The following AP2S1 variants were observed in gnomAD, a reference collection of about 807,000 sequenced individuals.
AP2S1 encodes the protein adaptor related protein complex 2 subunit sigma 1, also known as AP-2 complex subunit sigma.
Under a neutral mutation model 21.0 loss-of-function variants are expected in AP2S1, and 6 were observed. That is an observed-to-expected ratio of 0.29 (90% confidence interval 0.16 to 0.56). The LOEUF (loss-of-function observed/expected upper bound fraction) is 0.56. Among genes scored for constraint, AP2S1 ranks in the 20% least tolerant of loss-of-function variants. The probability of loss-of-function intolerance (pLI) is 0.92; values close to 1 mark genes in which losing one functional copy is unlikely to be tolerated. For missense variants in AP2S1, 60 were observed against 186.2 expected, an observed-to-expected ratio of 0.32 and a Z score of 3.95; for synonymous variants, 63 against 74.6, an observed-to-expected ratio of 0.84 and a Z score of 0.80.
intron 2 of AP2S1, 187 bp downstream of exon 2, chr19:46,845,806 A>T: frequency 1.4e-6 from 1 of 697,254 alleles, no homozygotes; most frequent in Non-Finnish European, 2.3e-6. Flanking sequence ...CTGTATGTTT[A>T]TGATTTTTCA....
chr19:46,843,504 T>C (rs2122778293), intron 2 of AP2S1, among the ~76,000 whole-genome samples: 1 of 152,246 alleles, frequency 6.6e-6, no homozygotes. Context: ...GGCGGATCGC[T>C]GGAGCTCAGG....
intron 2 of AP2S1, among the ~76,000 whole-genome samples, chr19:46,840,367 CAAAAAAAAAA>C (rs60907407): frequency 1.1e-4 from 11 of 100,468 alleles, no homozygotes; most frequent in Non-Finnish European, 8.3e-5. Flanking sequence ...AGGTTCATTA[CAAAAAAAAAA>C]AAAAAAAAAA....
chr19:46,848,012 G>A (rs578093138), intron 1 of AP2S1, among the ~76,000 whole-genome samples: 4 of 152,204 alleles, frequency 2.6e-5, no homozygotes, highest in East Asian at 3.9e-4. Context: ...TTTCCAAAGC[G>A]TCTGCCACTT....
At chr19:46,850,343 C>T in intron 1 of AP2S1, 1 of 1,243,070 alleles carries the variant, frequency 8.0e-7, no homozygotes, top group Non-Finnish European at 1.0e-6. Context: ...ACCTCCCTCC[C>T]CTTTTCCAAG....
intron 3 of AP2S1, 26 bp downstream of exon 3, chr19:46,839,439 C>CCCCGAAAA: frequency 2.5e-6 from 4 of 1,569,634 alleles, no homozygotes; most frequent in Non-Finnish European, 3.5e-6. Context: ...CCCGCCTCCC[C>CCCCGAAAA]ACCTTACATC....
At chr19:46,841,127 T>C (rs144587801) in intron 2 of AP2S1, among the ~76,000 whole-genome samples, 1 of 152,102 alleles carries the variant, frequency 6.6e-6, no homozygotes, top group African/African-American at 2.4e-5. Flanking sequence ...CTAATTTTTG[T>C]ATTTTTAGTA....
chr19:46,843,964 G>A (rs56947766), intron 2 of AP2S1, among the ~76,000 whole-genome samples: 8 of 152,100 alleles, frequency 5.3e-5, no homozygotes, highest in East Asian at 1.9e-4. Context: ...AGGCTGGAGT[G>A]CAATGGCACG....
intron 2 of AP2S1, among the ~76,000 whole-genome samples, chr19:46,841,903 G>A (rs1359581300): frequency 6.6e-6 from 1 of 152,184 alleles, no homozygotes; most frequent in Non-Finnish European, 1.5e-5. Flanking sequence ...GACAGAGATT[G>A]GACGACGGCC....
intron 1 of AP2S1, among the ~76,000 whole-genome samples, chr19:46,848,688 G>A (rs1599775908): frequency 1.3e-5 from 2 of 152,110 alleles, no homozygotes; most frequent in Non-Finnish European, 2.9e-5. Context: ...TCTCTCTTAG[G>A]AAAGAGAGCC....
rs2122754014 is a variant in AP2S1, at chr19:46,838,825, A to C, written c.268-26T>G. 1.9e-6 allele frequency: 3 copies of C among 1,607,350 alleles called. No homozygotes were observed. The highest frequency in any genetic ancestry group is 2.6e-6 in the Non-Finnish European group (3 of 1,174,334). ...CTGGGAGAGGAAGGCAGAGATGGTA[A>C]GAGATGGGCAGGGAGAGAGCCACAC... On this transcript the variant is annotated intron_variant, in intron 3 of 4. Coordinates refer to ENST00000263270, the MANE Select transcript of AP2S1 (RefSeq NM_004069.6). This position sits in a 1 kb window ranked among gnomAD's most constrained non-coding sequence, Gnocchi z 4.1.
At position 46,844,724 on chromosome 19, in the gene AP2S1, T is replaced by C. The variant is rs535335422; in HGVS notation, c.153+1269A>G. 1.5e-3 allele frequency among the ~76,000 whole-genome samples: 226 copies of C among 152,190 alleles called. 1 individual carries two copies. Among genetic ancestry groups the C allele is most frequent in the African/African-American group, 5.2e-3 (214 of 41,534 alleles). The stretch of plus-strand genomic sequence containing the variant: ...CTGAGGTGGGAGGGTAGCTTGAACA[T>C]AGGAAGTCAAGGCTGCTGTGAGCCA... On this transcript the variant is annotated intron_variant, in intron 2 of 4. Coordinates refer to ENST00000263270, the MANE Select transcript of AP2S1 (RefSeq NM_004069.6).
At chr19:46,847,234 AC>A (rs981793690) in intron 1 of AP2S1, among the ~76,000 whole-genome samples, 13 of 142,138 alleles carry the variant, frequency 9.1e-5, no homozygotes, top group Non-Finnish European at 1.5e-4. Flanking sequence ...AAAAATCACC[AC>A]TTTTTTTTTT....
chr19:46,848,879 AT>A (rs1430268700), intron 1 of AP2S1, among the ~76,000 whole-genome samples: 9 of 151,350 alleles, frequency 5.9e-5, no homozygotes, highest in Non-Finnish European at 1.2e-4. Context: ...TGCCCGGCTA[AT>A]TTTTGTATTT....
chr19:46,845,890 G>C, intron 2 of AP2S1, 103 bp downstream of exon 2: 1 of 1,478,496 alleles, frequency 6.8e-7, no homozygotes, highest in Non-Finnish European at 9.3e-7. Context: ...ATATAGGATG[G>C]ATAGAGGGTC....
At chr19:46,846,220 A>C (rs1326624823) in intron 1 of AP2S1, 78 bp from the exon 2 acceptor site, 1 of 1,562,884 alleles carries the variant, frequency 6.4e-7, no homozygotes, top group South Asian at 1.1e-5. Flanking sequence ...GGCCCCACCC[A>C]TCCACCCAGA....
chr19:46,847,733 G>A (rs1201141539), intron 1 of AP2S1, among the ~76,000 whole-genome samples: 1 of 152,130 alleles, frequency 6.6e-6, no homozygotes, highest in Non-Finnish European at 1.5e-5. Flanking sequence ...CACTCAGCGT[G>A]ACGTTTTCCA....
intron 1 of AP2S1, among the ~76,000 whole-genome samples, chr19:46,847,464 C>T (rs1011104249): frequency 3.3e-5 from 5 of 152,148 alleles, no homozygotes; most frequent in African/African-American, 1.2e-4. Context: ...GCGATCCACC[C>T]ACCTCATCCC....
At position 46,839,573 on chromosome 19, in the gene AP2S1, C is replaced by G; in HGVS notation, c.159G>C (p.Arg53=). 6.2e-7 allele frequency: 1 copy of G among 1,614,148 alleles called. No homozygotes were observed. Among genetic ancestry groups the G allele is most frequent in the Non-Finnish European group, 8.5e-7 (1 of 1,180,032 alleles). Reference sequence around the variant, plus strand: ...AGCGGCGGTAAATGATCTTAAAGTTCCGGAACTGCAGAACAGAGAGGCTGT... The same window carrying G: ...AGCGGCGGTAAATGATCTTAAAGTTGCGGAACTGCAGAACAGAGAGGCTGT... The part of the protein sequence containing the change: ...DAKHTNFVEF[R]NFKIIYRRYA... Residue 53 remains arginine, a synonymous_variant, in exon 3 of 5, where the codon CGG becomes CGC. Transcript: ENST00000263270.
chr19:46,850,126 C>T lies in AP2S1; in HGVS notation c.3+638G>A, dbSNP rs557497251. On this transcript the variant is annotated intron_variant, in intron 1 of 4. Coordinates refer to ENST00000263270, the MANE Select transcript of AP2S1 (RefSeq NM_004069.6). ...TTGCTCCCCATTCTTTCCGAGTGTC[C>T]ATCTTACCTCCAGGTCCTCTCTCCT... 3.3e-4 allele frequency: 407 copies of T among 1,231,720 alleles called. No homozygotes were observed. The highest frequency in any genetic ancestry group is 3.9e-4 in the Non-Finnish European group (390 of 987,840). 76.3% of individuals were successfully genotyped at this position (1,231,720 alleles called of 1,614,324 possible).
Sources: gnomAD v4.1 joint callset for allele counts (sites outside exome capture counted in the v4.1 genomes callset) on GRCh38, gnomAD v4.1.1 for gene constraint, Gnocchi (gnomAD v3.1) non-coding constraint, MANE v1.5 for transcripts, NCBI Gene and HGNC (gene_info 2026-07-23, HGNC 2026-07-21) for gene names.